Variants in VAV2 observed in about 807,000 individuals in gnomAD.
VAV2 encodes the protein vav guanine nucleotide exchange factor 2, also known as guanine nucleotide exchange factor VAV2.
Under a neutral mutation model 132.5 loss-of-function variants are expected in VAV2, and 67 were observed. The ratio of observed to expected loss-of-function variants is 0.51; its 90% CI spans 0.42 to 0.62. The LOEUF (loss-of-function observed/expected upper bound fraction) is 0.62, where lower values mean the gene tolerates loss of function less well. Among genes scored for constraint, VAV2 ranks in the 20% least tolerant of loss-of-function variants. VAV2 has a pLI of 0.00. For synonymous variants in VAV2, 492 were observed against 443.5 expected (o/e 1.11, Z -1.37); for missense variants, 938 against 1,153.6 (o/e 0.81, Z 2.71).
intron 1 of VAV2, among the ~76,000 whole-genome samples, chr9:133,968,144 G>C (rs557340765): frequency 1.1e-4 from 16 of 152,156 alleles, no homozygotes; most frequent in African/African-American, 3.9e-4. Context: ...CACGGCAGGA[G>C]GATTACAGTT....
intron 9 of VAV2, among the ~76,000 whole-genome samples, chr9:133,805,556 C>G (rs1479664304): frequency 6.6e-6 from 1 of 151,814 alleles, no homozygotes; most frequent in East Asian, 1.9e-4. Context: ...AACGCCGCCT[C>G]CCCAACCTCC....
intron 20 of VAV2, among the ~76,000 whole-genome samples, chr9:133,780,255 C>G (rs1403695351): frequency 6.6e-6 from 1 of 152,226 alleles, no homozygotes; most frequent in Non-Finnish European, 1.5e-5. Flanking sequence ...CCATCTGGGA[C>G]ACACAGTGCC....
intron 7 of VAV2, 138 bp downstream of exon 7, chr9:133,808,902 G>A (rs907613215): frequency 2.7e-5 from 20 of 748,802 alleles, no homozygotes; most frequent in African/African-American, 7.1e-5. Context: ...AGGCAGAGCT[G>A]GGAGGGCCAC....
In VAV2 at chr9:133,879,451, G is replaced by A. The variant is rs1838397713; in HGVS notation, c.322-18019C>T. Among the ~76,000 whole-genome samples, 1 of 152,122 alleles carries A rather than the reference G, an allele frequency of 6.6e-6. No individual in the cohort carries two copies. Among genetic ancestry groups the A allele is most frequent in the Non-Finnish European group, 1.5e-5 (1 of 68,012 alleles). ...CCTCTGGAGGGGCTGCTGTCACCTT[G>A]AGGCCTGCAGGATGGACAAGTGTGT... On this transcript the variant is annotated intron_variant, in intron 2 of 29. Coordinates refer to ENST00000371850, the MANE Select transcript of VAV2 (RefSeq NM_001134398.2). The surrounding 1 kb of genome is among the most constrained non-coding windows in gnomAD (Gnocchi z 4.4).
chr9:133,944,028 G>C (rs1019905253), intron 1 of VAV2, among the ~76,000 whole-genome samples: 5 of 152,230 alleles, frequency 3.3e-5, no homozygotes, highest in African/African-American at 1.2e-4. Flanking sequence ...CCCAGAGCCA[G>C]GAGCCCAGGT....
At chr9:133,830,799 C>A (rs1343570201) in intron 4 of VAV2, among the ~76,000 whole-genome samples, 1 of 152,020 alleles carries the variant, frequency 6.6e-6, no homozygotes, top group Non-Finnish European at 1.5e-5. Flanking sequence ...AATATCCACA[C>A]CAAGTCCACA....
rs1836689976 is a variant in VAV2 at position 133,840,791 on chromosome 9, CA to C, written c.381-6452del. ...TAAATCAGGCTCCTATCCTTGCCCT[CA>C]GGACTTCTGTGAAAATCTGCTAGAA... is the stretch of plus-strand genomic sequence containing the variant. On this transcript the variant is annotated intron_variant, in intron 3 of 29. Coordinates refer to ENST00000371850, the MANE Select transcript of VAV2 (RefSeq NM_001134398.2). This position sits in a 1 kb window ranked among gnomAD's most constrained non-coding sequence, Gnocchi z 4.5. Among the ~76,000 whole-genome samples the C allele has an allele frequency of 6.6e-6, 1 of 152,184 alleles. No homozygotes were observed. The highest frequency in any genetic ancestry group is 2.4e-5 in the African/African-American group (1 of 41,430).
At chr9:133,786,413 C>T (rs147631678) in intron 16 of VAV2, among the ~76,000 whole-genome samples, 10 of 152,302 alleles carry the variant, frequency 6.6e-5, no homozygotes, top group African/African-American at 2.4e-4. Context: ...CACACACATG[C>T]CTGGGCAGGT....
intron 2 of VAV2, among the ~76,000 whole-genome samples, chr9:133,870,957 CGGGTGGGTGGGTGGGT>C: frequency 1.8e-4 from 1 of 5,612 alleles, no homozygotes; most frequent in East Asian, 6.8e-3. Flanking sequence ...GATGGGTAGA[CGGGTGGGTGGGTGGGT>C]AGATGGATGG....
At chr9:133,869,218 C>T (rs764430561) in intron 2 of VAV2, among the ~76,000 whole-genome samples, 1 of 152,024 alleles carries the variant, frequency 6.6e-6, no homozygotes, top group Non-Finnish European at 1.5e-5. Context: ...GCTAGTCTAA[C>T]CTCAGGTGAT....
In VAV2 at chr9:133,937,375, GGT is replaced by G. The variant is rs1349774778; in HGVS notation, c.321+1726_321+1727del. 5.3e-5 allele frequency among the ~76,000 whole-genome samples: 8 copies of G among 150,556 alleles called. No homozygotes were observed. The East Asian group carries it at 1.4e-3, about 26-fold the overall frequency. ...AGTGTGTGTATGTGTGTTTGTGTGT[GGT>G]GTGTCCATGGATGTCTGTGTCAATG... is the stretch of plus-strand genomic sequence containing the variant. On this transcript the variant is annotated intron_variant, in intron 2 of 29. Transcript: ENST00000371850.
intron 2 of VAV2, among the ~76,000 whole-genome samples, chr9:133,890,378 G>C (rs1186708264): frequency 6.6e-6 from 1 of 152,218 alleles, no homozygotes; most frequent in Non-Finnish European, 1.5e-5. Context: ...CCAGGAGTGA[G>C]CACGGACTGC....
chr9:133,771,033 T>TTGGAGGTGG lies in VAV2; in HGVS notation c.2224-541_2224-533dup, dbSNP rs1263198435. Among the ~76,000 whole-genome samples, 9 of 151,876 alleles carry TTGGAGGTGG rather than the reference T, an allele frequency of 5.9e-5. No individual in the cohort carries two copies. The East Asian group carries it at 1.5e-3, about 26-fold the overall frequency. On this transcript the variant is annotated intron_variant, in intron 26 of 29. Transcript: ENST00000371850. ...AACGCTGGTTTCCGCTTTTGTTTTT[T>TTGGAGGTGG]TGGAGGTGGGGATGGGATTATGGAT... is the stretch of plus-strand genomic sequence containing the variant.
chr9:133,964,549 G>A (rs188866835), intron 1 of VAV2, among the ~76,000 whole-genome samples: 11 of 151,992 alleles, frequency 7.2e-5, no homozygotes, highest in African/African-American at 1.7e-4. Flanking sequence ...ATACCCTAAC[G>A]AACATAGATG....
At chr9:133,831,179 T>C (rs1206871069) in intron 4 of VAV2, among the ~76,000 whole-genome samples, 1 of 152,082 alleles carries the variant, frequency 6.6e-6, no homozygotes, top group Non-Finnish European at 1.5e-5. Flanking sequence ...CTCACGCCTG[T>C]AATCTCAGCA....
rs1350345796 is a variant in VAV2, at chr9:133,788,959, C to T, written c.1274+299G>A. ...ATTTGGCAAAGAGCCCATCCGACCACTCTGGGCCTGTCTTGGGTTCCTGGA... is the reference window on the plus strand; with the variant it reads ...ATTTGGCAAAGAGCCCATCCGACCATTCTGGGCCTGTCTTGGGTTCCTGGA... On this transcript the variant is annotated intron_variant, in intron 14 of 29. Coordinates refer to ENST00000371850, the MANE Select transcript of VAV2 (RefSeq NM_001134398.2). The surrounding 1 kb of genome is among the most constrained non-coding windows in gnomAD (Gnocchi z 5.3). Among the ~76,000 whole-genome samples the T allele has an allele frequency of 6.6e-6, 1 of 152,258 alleles. No homozygotes were observed. Among genetic ancestry groups the T allele is most frequent in the African/African-American group, 2.4e-5 (1 of 41,466 alleles).
intron 1 of VAV2, among the ~76,000 whole-genome samples, chr9:133,964,409 CATAA>C (rs749862430): frequency 9.9e-5 from 15 of 151,708 alleles, no homozygotes; most frequent in Non-Finnish European, 1.9e-4. Context: ...TTTACATTTG[CATAA>C]ATATATATAA....
At chr9:133,771,646 T>C (rs1160127767) in intron 26 of VAV2, among the ~76,000 whole-genome samples, 1 of 152,052 alleles carries the variant, frequency 6.6e-6, no homozygotes, top group East Asian at 1.9e-4. Flanking sequence ...TGGGCGTCAG[T>C]TTCTGCTCTC....
At position 133,828,271 on chromosome 9, in the gene VAV2, AGCTACCGCTGCGCCC is replaced by A. The variant is rs1836115160; in HGVS notation, c.449+5986_449+6000del. Among the ~76,000 whole-genome samples the A allele has an allele frequency of 4.1e-5, 4 of 98,676 alleles. 1 individual carries two copies. Among genetic ancestry groups the A allele is most frequent in the Non-Finnish European group, 8.1e-5 (4 of 49,560 alleles). 64.7% of individuals were successfully genotyped at this position (98,676 alleles called of 152,430 possible). ...CTGACCACTGAGCACGGGCATCGCCAGCTACCGCTGCGCCCACTGGGGCTGACCACTGAGTGGGGG... is the reference window on the plus strand; with the variant it reads ...CTGACCACTGAGCACGGGCATCGCCAACTGGGGCTGACCACTGAGTGGGGG... On this transcript the variant is annotated intron_variant, in intron 4 of 29. Transcript: ENST00000371850.
Sources: allele counts gnomAD v4.1 joint callset (sites outside exome capture counted in the v4.1 genomes callset), GRCh38; gene constraint gnomAD v4.1.1; non-coding constraint Gnocchi (gnomAD v3.1); transcripts MANE v1.5; gene names NCBI Gene and HGNC (gene_info 2026-07-23, HGNC 2026-07-21).